ZP2: variants seen among roughly 807,000 people sequenced by gnomAD.
ZP2 encodes zona pellucida sperm-binding protein 2.
A neutral mutation model predicts 84.0 loss-of-function variants in ZP2; 51 were observed. The ratio of observed to expected loss-of-function variants is 0.61; its 90% CI spans 0.49 to 0.77. ZP2 has a LOEUF of 0.77. ZP2 is among the 30% of genes least tolerant of loss of function. The probability of loss-of-function intolerance (pLI) is 0.00; values close to 1 mark genes in which losing one functional copy is unlikely to be tolerated. For missense variants in ZP2, 909 were observed against 911.9 expected (o/e 1.00, Z 0.04); for synonymous variants, 375 against 330.9 (o/e 1.13, Z -1.45).
At chr16:21,203,379 C>A in intron 9 of ZP2, 128 bp from the exon 10 acceptor site, 1 of 1,263,086 alleles carries the variant, frequency 7.9e-7, no homozygotes, top group South Asian at 1.4e-5. Context: ...TCCCTTTAAA[C>A]CAAAACAAGA....
At chr16:21,207,117 C>A in intron 4 of ZP2, 127 bp from the exon 5 acceptor site, 1 of 1,099,470 alleles carries the variant, frequency 9.1e-7, no homozygotes, top group East Asian at 2.4e-5. Context: ...TGGAAGGTAC[C>A]TCATTCCCGT....
intron 7 of ZP2, among the ~76,000 whole-genome samples, chr16:21,204,804 A>G (rs1264687874): frequency 6.6e-6 from 1 of 152,112 alleles, no homozygotes; most frequent in Non-Finnish European, 1.5e-5. Flanking sequence ...ACTTTAGGAG[A>G]TTAATTCATT....
intron 14 of ZP2, among the ~76,000 whole-genome samples, chr16:21,201,030 C>T (rs1407916075): frequency 6.6e-6 from 1 of 152,108 alleles, no homozygotes; most frequent in African/African-American, 2.4e-5. Flanking sequence ...AAAACCCTGT[C>T]TCTACTAAGA....
chr16:21,212,128 G>C (rs111386458), upstream of ZP2, among the ~76,000 whole-genome samples: 503 of 152,180 alleles, frequency 3.3e-3, 1 homozygote, highest in African/African-American at 0.011. Context: ...GGGTTTCACC[G>C]TGTTGGTCAG....
intron 9 of ZP2, 66 bp from the exon 10 acceptor site, chr16:21,203,317 A>G: frequency 1.3e-6 from 2 of 1,597,794 alleles, no homozygotes; most frequent in East Asian, 2.3e-5. Context: ...ACAGGGAGGC[A>G]GGAAGCAAGT....
At chr16:21,212,362 A>G (rs1394813054), upstream of ZP2, among the ~76,000 whole-genome samples, 1 of 152,234 alleles carries the variant, frequency 6.6e-6, no homozygotes. Flanking sequence ...CCGCAAAGAT[A>G]CAATTTCAGA....
chr16:21,213,322 G>A (rs1039153108), upstream of ZP2, among the ~76,000 whole-genome samples: 3 of 152,236 alleles, frequency 2.0e-5, no homozygotes, highest in African/African-American at 7.2e-5. Context: ...TGGGATTACA[G>A]GCGTGAGCCA....
At chr16:21,213,526 C>G (rs2093282201), upstream of ZP2, among the ~76,000 whole-genome samples, 1 of 152,184 alleles carries the variant, frequency 6.6e-6, no homozygotes, top group Non-Finnish European at 1.5e-5. Flanking sequence ...ATCACAGATT[C>G]CAGGGTCCCA....
chr16:21,212,283 TGCACAG>T (rs111597016), upstream of ZP2, among the ~76,000 whole-genome samples: 504 of 152,228 alleles, frequency 3.3e-3, 1 homozygote, highest in African/African-American at 0.011. Context: ...ACCCTGATAA[TGCACAG>T]GAAGTGTCTT....
In ZP2 at chr16:21,197,560, C is replaced by G. The variant is rs866584042; in HGVS notation, c.2158G>C (p.Val720Leu). 1 of 1,614,150 alleles carries G rather than the reference C, an allele frequency of 6.2e-7. No homozygotes were observed. The change falls in exon 19 of 19, where the codon GTG becomes CTG. Residue 720 changes from valine (V) to leucine (L), a missense_variant. Coordinates refer to ENST00000574091, the MANE Select transcript of ZP2 (RefSeq NM_001376232.1). ...GDVGSKAVAAVAAFAGVVATL... is the reference protein window; with the variant it reads ...GDVGSKAVAALAAFAGVVATL... ...GCCACCACACCTGCAAAGGCAGCCA[C>G]AGCAGCCACAGCTTTGGAACCAACA...
At chr16:21,209,594 C>T (rs370844923) in intron 4 of ZP2, 37 bp downstream of exon 4, 39 of 1,595,862 alleles carry the variant, frequency 2.4e-5, no homozygotes, top group East Asian at 1.3e-4. Flanking sequence ...TAGGTTACTA[C>T]GTACTTCCCC....
In ZP2 at chr16:21,197,602, G is replaced by GC. The variant is rs769351216; in HGVS notation, c.2115dup (p.His706AlafsTer?). The GC allele has an allele frequency of 1.2e-6, 2 of 1,614,180 alleles. No homozygotes were observed. Among genetic ancestry groups the GC allele is most frequent in the Admixed American group, 3.3e-5 (2 of 60,024 alleles). ...GAACCAACATCTCCAGCAGTCTTGT[G>GC]CCCTTTGGTGTCCATAGCACCTACA... On this transcript the variant is annotated frameshift_variant, in exon 19 of 19. Transcript: ENST00000574091. LOFTEE classifies it low-confidence loss of function (END_TRUNC).
At chr16:21,199,457 G>C in intron 16 of ZP2, 113 bp downstream of exon 16, 1 of 964,940 alleles carries the variant, frequency 1.0e-6, no homozygotes, top group Non-Finnish European at 1.5e-6. Context: ...GCCAACAAGA[G>C]CTCTGGGCAG....
intron 9 of ZP2, 96 bp from the exon 10 acceptor site, chr16:21,203,347 C>A: frequency 6.5e-7 from 1 of 1,536,818 alleles, no homozygotes; most frequent in Non-Finnish European, 8.9e-7. Flanking sequence ...ACTTGCAGGA[C>A]ACACTCCAGA....
At position 21,197,601 on chromosome 16, in the gene ZP2, T is replaced by C; in HGVS notation, c.2117A>G (p.His706Arg). 1 of 1,614,200 alleles carries C rather than the reference T, an allele frequency of 6.2e-7. No homozygotes were observed. Among genetic ancestry groups the C allele is most frequent in the Non-Finnish European group, 8.5e-7 (1 of 1,180,030 alleles). The change falls in exon 19 of 19, where the codon CAC becomes CGC. Residue 706 changes from histidine (H) to arginine (R), a missense_variant. Coordinates refer to ENST00000574091, the MANE Select transcript of ZP2 (RefSeq NM_001376232.1). ...GSRGAMDTKG[H>R]KTAGDVGSKA... Reference sequence around the variant, plus strand: ...GGAACCAACATCTCCAGCAGTCTTGTGCCCTTTGGTGTCCATAGCACCTAC... The same window carrying C: ...GGAACCAACATCTCCAGCAGTCTTGCGCCCTTTGGTGTCCATAGCACCTAC...
chr16:21,199,318 C>CAAAAAAAAAAAAAAAAAAAAAA (rs10644558), intron 16 of ZP2, among the ~76,000 whole-genome samples: 1 of 45,728 alleles, frequency 2.2e-5, no homozygotes, highest in African/African-American at 1.2e-4. Context: ...AAAACTGTCT[C>CAAAAAAAAAAAAAAAAAAAAAA]AAAAAAAAAA....
chr16:21,209,782 A>G, intron 3 of ZP2, 57 bp from the exon 4 acceptor site: 4 of 1,492,412 alleles, frequency 2.7e-6, no homozygotes, highest in Admixed American at 1.7e-5. Flanking sequence ...GTGACAGTCC[A>G]AAGCTATAGA....
Position 21,205,891 on chromosome 16 carries a change from A to G in ZP2, c.484-116T>C, listed in dbSNP as rs528330186. ...AAAGGCCTGCTGTGGGATGCAGTGG[A>G]AGAAGCACATGAACCCTGACTGTGC... On this transcript the variant is annotated intron_variant, in intron 5 of 18. Transcript: ENST00000574091. 41 of 971,634 alleles carry G rather than the reference A, an allele frequency of 4.2e-5. 1 individual carries two copies. The African/African-American group carries it at 5.9e-4, about 14-fold the overall frequency. 60.2% of individuals were successfully genotyped at this position (971,634 alleles called of 1,614,324 possible). A position where few individuals can be genotyped will look rare whatever the true frequency, so the allele number is the denominator to read the frequency against.
rs772911474 is a variant in ZP2 at position 21,198,760 on chromosome 16, C to T, written c.2011+19G>A. 1 of 1,611,816 alleles carries T rather than the reference C, an allele frequency of 6.2e-7. No individual in the cohort carries two copies. Among genetic ancestry groups the T allele is most frequent in the Non-Finnish European group, 8.5e-7 (1 of 1,178,212 alleles). The stretch of plus-strand genomic sequence containing the variant: ...TAAGAACTTGAATCCAGGAAGTACT[C>T]CAGGCTTTAGGTCCATACCTCTGAA... On this transcript the variant is annotated intron_variant, in intron 17 of 18. Coordinates refer to ENST00000574091, the MANE Select transcript of ZP2 (RefSeq NM_001376232.1).
Sources: allele counts gnomAD v4.1 joint callset (sites outside exome capture counted in the v4.1 genomes callset), GRCh38; gene constraint gnomAD v4.1.1; transcripts MANE v1.5; gene names NCBI Gene and HGNC (gene_info 2026-07-23, HGNC 2026-07-21).